The following GALNT13 variants were observed in gnomAD, a reference collection of about 807,000 sequenced individuals.
GALNT13 encodes the protein UDP-GalNAc:polypeptide N-acetylgalactosaminyltransferase 13.
A neutral mutation model predicts 64.2 loss-of-function variants in GALNT13; 28 were observed. That is an observed-to-expected ratio of 0.44 (90% CI 0.32 to 0.60). The LOEUF (loss-of-function observed/expected upper bound fraction) is 0.60, where lower values mean the gene tolerates loss of function less well. Among genes scored for constraint, GALNT13 ranks in the 20% least tolerant of loss-of-function variants. The probability of loss-of-function intolerance (pLI) is 0.05; values close to 1 mark genes in which losing one functional copy is unlikely to be tolerated. For synonymous variants in GALNT13, 214 were observed against 224.6 expected, an observed-to-expected ratio of 0.95 and a Z score of 0.42; for missense variants, 577 against 669.8, an observed-to-expected ratio of 0.86 and a Z score of 1.53.
the GALNT13 span, among the ~76,000 whole-genome samples, chr2:153,351,616 A>G: frequency 3.9e-5 from 6 of 152,242 alleles, no homozygotes; most frequent in African/African-American, 7.2e-5. Context: ...TGTTCTGCCT[A>G]TTTATCTTTC....
the GALNT13 span, among the ~76,000 whole-genome samples, chr2:153,578,154 A>T: frequency 6.6e-6 from 1 of 152,132 alleles, no homozygotes. Context: ...ATATGCGATA[A>T]GTGATTTTTT....
the GALNT13 span, among the ~76,000 whole-genome samples, chr2:153,239,984 G>A: frequency 0.017 from 2,644 of 152,150 alleles, 44 homozygotes; most frequent in Middle Eastern, 0.085. Flanking sequence ...GTGTTACAGC[G>A]CCAATCTCAT....
upstream of GALNT13, among the ~76,000 whole-genome samples, chr2:153,869,587 G>C (rs144657079): frequency 6.6e-6 from 1 of 152,034 alleles, no homozygotes; most frequent in Non-Finnish European, 1.5e-5. Flanking sequence ...GTACTTCTCA[G>C]TGCATCATAT....
the GALNT13 span, among the ~76,000 whole-genome samples, chr2:153,552,383 A>G: frequency 6.6e-6 from 1 of 152,134 alleles, no homozygotes; most frequent in Admixed American, 6.5e-5. Flanking sequence ...AGAAGAAAGG[A>G]CAATTGCAAG....
chr2:153,281,048 T>G, the GALNT13 span, among the ~76,000 whole-genome samples: 1 of 152,202 alleles, frequency 6.6e-6, no homozygotes, highest in Non-Finnish European at 1.5e-5. Context: ...GCTCTAATGT[T>G]GGGTGCCTAT....
the GALNT13 span, among the ~76,000 whole-genome samples, chr2:153,172,593 C>T: frequency 8.5e-5 from 13 of 152,062 alleles, no homozygotes; most frequent in African/African-American, 2.7e-4. Flanking sequence ...TGGGCAGGTA[C>T]CAACAATGCC....
the GALNT13 span, among the ~76,000 whole-genome samples, chr2:153,091,953 T>C: frequency 6.6e-6 from 1 of 152,324 alleles, no homozygotes; most frequent in South Asian, 2.1e-4. Context: ...CAATGTTTTC[T>C]GATAGTAGTT....
chr2:154,264,394 G>A (rs1690866266), intron 8 of GALNT13, among the ~76,000 whole-genome samples: 1 of 150,898 alleles, frequency 6.6e-6, no homozygotes, highest in Non-Finnish European at 1.5e-5. Flanking sequence ...GATCGAGCAG[G>A]CAGATCACCT....
intron 3 of GALNT13, among the ~76,000 whole-genome samples, chr2:153,979,127 C>G (rs1033692180): frequency 6.6e-6 from 1 of 152,076 alleles, no homozygotes; most frequent in East Asian, 1.9e-4. Context: ...TATTTTAAAT[C>G]TAGGTTACTT....
chr2:153,532,731 T>A, the GALNT13 span, among the ~76,000 whole-genome samples: 2 of 152,174 alleles, frequency 1.3e-5, no homozygotes, highest in African/African-American at 4.8e-5. Flanking sequence ...TCTTAAACAC[T>A]TTGTGCTTAG....
the GALNT13 span, among the ~76,000 whole-genome samples, chr2:153,464,845 T>G: frequency 6.6e-6 from 1 of 152,138 alleles, no homozygotes; most frequent in Non-Finnish European, 1.5e-5. Flanking sequence ...GTGTAACATT[T>G]TCTTTATTGA....
chr2:153,986,779 A>G lies in GALNT13; in HGVS notation c.142+42140A>G, dbSNP rs946329299. ...TGTAACAAAGTGGATGAAGGGGAGA[A>G]TTATAAGAGAGAACTATGAAAAGCT... On this transcript the variant is annotated intron_variant, in intron 3 of 12. Transcript: ENST00000392825. 3.9e-5 allele frequency among the ~76,000 whole-genome samples: 6 copies of G among 152,086 alleles called. No homozygotes were observed. The East Asian group carries it at 1.2e-3, about 29-fold the overall frequency.
intron 9 of GALNT13, among the ~76,000 whole-genome samples, chr2:154,342,676 G>C (rs925506828): frequency 6.6e-6 from 1 of 151,966 alleles, no homozygotes; most frequent in Non-Finnish European, 1.5e-5. Context: ...CAACAGCAAA[G>C]TTGAATAAGT....
At chr2:153,747,422 GTTTTTTTTT>G in the GALNT13 span, among the ~76,000 whole-genome samples, 1 of 93,750 alleles carries the variant, frequency 1.1e-5, no homozygotes, top group African/African-American at 5.1e-5. Flanking sequence ...AGTGCCTTTG[GTTTTTTTTT>G]TTTTTTTTTT....
At chr2:153,714,825 AAC>A in the GALNT13 span, among the ~76,000 whole-genome samples, 313 of 152,310 alleles carry the variant, frequency 2.1e-3, no homozygotes, top group African/African-American at 6.5e-3. Flanking sequence ...AGAAAAAGAA[AAC>A]AGAGTAATAC....
intron 8 of GALNT13, among the ~76,000 whole-genome samples, chr2:154,267,458 G>A (rs1333336160): frequency 2.0e-5 from 3 of 152,154 alleles, no homozygotes; most frequent in East Asian, 3.9e-4. Flanking sequence ...TGGCCAACAT[G>A]GTGCAACCCC....
At chr2:153,668,498 G>A in the GALNT13 span, among the ~76,000 whole-genome samples, 3 of 152,098 alleles carry the variant, frequency 2.0e-5, no homozygotes, top group Admixed American at 2.0e-4. Flanking sequence ...CAGCTAGGAG[G>A]AACACTTGCC....
chr2:153,479,474 G>A, the GALNT13 span, among the ~76,000 whole-genome samples: 2 of 152,294 alleles, frequency 1.3e-5, no homozygotes, highest in African/African-American at 4.8e-5. Context: ...TTGAGGCCAA[G>A]GAAAGAGGGT....
intron 8 of GALNT13, among the ~76,000 whole-genome samples, chr2:154,291,622 C>G (rs2105962890): frequency 1.3e-5 from 2 of 152,346 alleles, no homozygotes; most frequent in Admixed American, 1.3e-4. Flanking sequence ...CATGCCCACC[C>G]AGAACCCGGC....
Sources: gnomAD v4.1 joint callset for allele counts (sites outside exome capture counted in the v4.1 genomes callset) on GRCh38, gnomAD v4.1.1 for gene constraint, MANE v1.5 for transcripts, NCBI Gene and HGNC (gene_info 2026-07-23, HGNC 2026-07-21) for gene names.